Variants in SV2C observed in about 807,000 individuals in gnomAD.
The protein encoded by SV2C is solute carrier family 22 member B3.
Under a neutral mutation model 79.7 loss-of-function variants are expected in SV2C, and 49 were observed. That is an observed-to-expected ratio of 0.61 (90% CI 0.49 to 0.78). The LOEUF (loss-of-function observed/expected upper bound fraction) is 0.78, where lower values mean the gene tolerates loss of function less well. Ranked by LOEUF, SV2C falls within the 30% of genes least tolerant of loss-of-function variation. The pLI, the probability that SV2C is intolerant of heterozygous loss-of-function variation, is 0.00. For missense variants in SV2C, 833 were observed against 912.9 expected (o/e 0.91, Z 1.13); for synonymous variants, 334 against 333.2 (o/e 1.00, Z -0.03).
chr5:76,065,353 A>T, the SV2C span, among the ~76,000 whole-genome samples: 1 of 152,212 alleles, frequency 6.6e-6, no homozygotes, highest in Non-Finnish European at 1.5e-5. Context: ...CCTCGAGGCC[A>T]GAAGTCTAAA....
At chr5:76,045,051 A>G in the SV2C span, among the ~76,000 whole-genome samples, 44 of 152,214 alleles carry the variant, frequency 2.9e-4, no homozygotes, top group African/African-American at 1.1e-3. Flanking sequence ...TTTGTGTTTT[A>G]CATTTAAGTC....
At chr5:76,228,060 C>A (rs1745308446) in intron 4 of SV2C, among the ~76,000 whole-genome samples, 1 of 152,178 alleles carries the variant, frequency 6.6e-6, no homozygotes, top group South Asian at 2.1e-4. Flanking sequence ...ATCTCTCTCT[C>A]TCTCTCTCTT....
intron 12 of SV2C, among the ~76,000 whole-genome samples, chr5:76,349,704 T>C (rs1393384936): frequency 1.3e-5 from 2 of 151,022 alleles, no homozygotes; most frequent in African/African-American, 4.9e-5. Flanking sequence ...AAGTCTCACT[T>C]TGTCACCCAG....
At position 76,194,917 on chromosome 5, in the gene SV2C, A is replaced by C. The variant is rs935677557; in HGVS notation, c.581-2A>C. 8.1e-6 allele frequency: 13 copies of C among 1,613,576 alleles called. No individual in the cohort carries two copies. Among genetic ancestry groups the C allele is most frequent in the Non-Finnish European group, 1.1e-5 (13 of 1,179,842 alleles). On this transcript the variant is annotated splice_acceptor_variant, in intron 2 of 12. Transcript: ENST00000502798. LOFTEE classifies it high-confidence loss of function. ...TGTTTCTTTGTTTTCTGTGTGTTGC[A>C]GGCAGCATAGTGTACCTCGGGATGA...
the SV2C span, chr5:75,921,220 G>A: frequency 1.7e-6 from 2 of 1,160,174 alleles, no homozygotes; most frequent in East Asian, 4.7e-5. Context: ...CCGAGATGTG[G>A]TCAGTGGGAC....
intron 1 of SV2C, among the ~76,000 whole-genome samples, chr5:76,104,201 C>T (rs926582284): frequency 6.6e-6 from 1 of 152,142 alleles, no homozygotes; most frequent in Non-Finnish European, 1.5e-5. Context: ...CAGTTGTTAA[C>T]TGTTCTAATG....
intron 4 of SV2C, among the ~76,000 whole-genome samples, chr5:76,262,739 T>C (rs1388227398): frequency 1.3e-5 from 2 of 152,202 alleles, no homozygotes; most frequent in African/African-American, 4.8e-5. Context: ...AGTTGTGTGG[T>C]TTTGAGTGAG....
intron 2 of SV2C, among the ~76,000 whole-genome samples, chr5:76,188,487 C>G (rs1229069699): frequency 1.3e-5 from 2 of 152,110 alleles, no homozygotes; most frequent in Non-Finnish European, 2.9e-5. Context: ...GTTTTAAGAG[C>G]CCAGGCTCTT....
At chr5:76,265,612 T>C (rs1385162783) in intron 4 of SV2C, among the ~76,000 whole-genome samples, 1 of 152,186 alleles carries the variant, frequency 6.6e-6, no homozygotes, top group Non-Finnish European at 1.5e-5. Flanking sequence ...GGTGTAGGCA[T>C]ACGAAGGAAT....
chr5:76,028,878 G>A, the SV2C span, among the ~76,000 whole-genome samples: 2 of 152,158 alleles, frequency 1.3e-5, no homozygotes, highest in Non-Finnish European at 2.9e-5. Context: ...AATGTCTCCT[G>A]AGGGGCAATA....
chr5:76,107,493 CA>C (rs1303759014), intron 1 of SV2C, among the ~76,000 whole-genome samples: 1 of 152,110 alleles, frequency 6.6e-6, no homozygotes, highest in African/African-American at 2.4e-5. Flanking sequence ...TTATTAATTA[CA>C]TTTTCATTTG....
At chr5:76,123,337 A>C (rs7714042) in intron 1 of SV2C, among the ~76,000 whole-genome samples, 3,831 of 152,306 alleles carry the variant, frequency 0.025, 174 homozygotes, top group African/African-American at 0.082. Flanking sequence ...AAACTATTCC[A>C]ATCAATAGAA....
the SV2C span, among the ~76,000 whole-genome samples, chr5:76,056,958 T>C: frequency 2.6e-5 from 4 of 152,098 alleles, no homozygotes; most frequent in Non-Finnish European, 5.9e-5. Flanking sequence ...CCTGGATTCA[T>C]TGATTTTTGA....
At chr5:75,881,449 G>A in the SV2C span, among the ~76,000 whole-genome samples, 2 of 152,116 alleles carry the variant, frequency 1.3e-5, no homozygotes, top group Admixed American at 6.6e-5. Context: ...ATATGTTTAT[G>A]AAGGTTTTTT....
At chr5:76,032,557 T>A in the SV2C span, among the ~76,000 whole-genome samples, 1 of 152,204 alleles carries the variant, frequency 6.6e-6, no homozygotes. Flanking sequence ...TTCATCCATG[T>A]CCCTACAAAG....
the SV2C span, among the ~76,000 whole-genome samples, chr5:75,853,063 T>A: frequency 6.6e-6 from 1 of 151,628 alleles, no homozygotes; most frequent in Non-Finnish European, 1.5e-5. Flanking sequence ...GAGGAAGTGA[T>A]AGAAATATAC....
downstream of SV2C, among the ~76,000 whole-genome samples, chr5:76,336,109 C>G (rs1177478409): frequency 1.6e-5 from 2 of 128,026 alleles, no homozygotes; most frequent in Admixed American, 1.5e-4. Flanking sequence ...TCTGACCCCC[C>G]CCACCTCCCT....
At chr5:76,261,696 A>C (rs992453811) in intron 4 of SV2C, among the ~76,000 whole-genome samples, 3 of 152,196 alleles carry the variant, frequency 2.0e-5, no homozygotes, top group African/African-American at 7.2e-5. Context: ...AACTATTGAG[A>C]TAATCATGTG....
At chr5:76,203,468 C>A (rs138818141) in intron 3 of SV2C, among the ~76,000 whole-genome samples, 1 of 152,108 alleles carries the variant, frequency 6.6e-6, no homozygotes, top group African/African-American at 2.4e-5. Flanking sequence ...TTCATGGCAC[C>A]TTTAGATGCT....
Sources: allele counts gnomAD v4.1 joint callset (sites outside exome capture counted in the v4.1 genomes callset), GRCh38; gene constraint gnomAD v4.1.1; transcripts MANE v1.5; gene names NCBI Gene and HGNC (gene_info 2026-07-23, HGNC 2026-07-21).